Variants in RANBP2 observed in about 807,000 individuals in gnomAD.
The protein encoded by RANBP2 is E3 SUMO-protein ligase RanBP2.
RANBP2 carries 57 observed loss-of-function variants against 303.6 expected under a neutral mutation model. The ratio of observed to expected loss-of-function variants is 0.19; its 90% CI spans 0.15 to 0.23. The LOEUF is 0.23. Ranked by LOEUF, RANBP2 falls within the 10% of genes least tolerant of loss-of-function variation. The pLI, the probability that RANBP2 is intolerant of heterozygous loss-of-function variation, is 1.00. For missense variants in RANBP2, 3,138 were observed against 3,780.8 expected (o/e 0.83, Z 4.46); for synonymous variants, 1,167 against 1,301.5 (o/e 0.90, Z 2.23).
At chr2:109,415,636 G>A in the RANBP2 span, among the ~76,000 whole-genome samples, 1 of 152,108 alleles carries the variant, frequency 6.6e-6, no homozygotes, top group South Asian at 2.1e-4. Flanking sequence ...TGTCCTCCAG[G>A]GACGCCGTGC....
At chr2:108,746,383 G>T (rs1255401467) in intron 7 of RANBP2, among the ~76,000 whole-genome samples, 2 of 146,932 alleles carry the variant, frequency 1.4e-5, no homozygotes, top group South Asian at 2.2e-4. Flanking sequence ...CTGGCTCTTT[G>T]TTTTTTTTTT....
chr2:109,548,079 G>C, the RANBP2 span, among the ~76,000 whole-genome samples: 1 of 152,220 alleles, frequency 6.6e-6, no homozygotes, highest in African/African-American at 2.4e-5. Context: ...AGTAATGAGA[G>C]GAAATACAGA....
chr2:109,474,968 T>TG, the RANBP2 span, among the ~76,000 whole-genome samples: 2 of 151,378 alleles, frequency 1.3e-5, no homozygotes, highest in Non-Finnish European at 3.0e-5. Flanking sequence ...GTTTGGGTTT[T>TG]TTTTGTTTGT....
the RANBP2 span, among the ~76,000 whole-genome samples, chr2:108,946,408 C>T: frequency 6.6e-6 from 1 of 152,194 alleles, no homozygotes; most frequent in East Asian, 1.9e-4. Flanking sequence ...ACAAAGACAA[C>T]CCCTTGGGGA....
the RANBP2 span, among the ~76,000 whole-genome samples, chr2:109,241,791 A>G: frequency 6.9e-6 from 1 of 144,490 alleles, no homozygotes. Context: ...TTTGAGATGG[A>G]GTCTTGCTCT....
chr2:108,876,274 A>G, the RANBP2 span: 2 of 1,459,666 alleles, frequency 1.4e-6, no homozygotes, highest in Non-Finnish European at 1.9e-6. Context: ...TTTTTAATAT[A>G]GTATATGTGG....
chr2:109,129,170 C>T, the RANBP2 span: 12 of 440,956 alleles, frequency 2.7e-5, no homozygotes, highest in East Asian at 9.2e-5. Context: ...CACTTCCTGC[C>T]GCTGGTCTCC....
the RANBP2 span, among the ~76,000 whole-genome samples, chr2:109,204,364 A>C: frequency 4.6e-5 from 7 of 152,140 alleles, no homozygotes; most frequent in Non-Finnish European, 5.9e-5. Context: ...GAATCTCCTT[A>C]TCTTATCTTT....
the RANBP2 span, among the ~76,000 whole-genome samples, chr2:109,454,571 T>C: frequency 1.3e-5 from 2 of 152,134 alleles, no homozygotes; most frequent in Non-Finnish European, 2.9e-5. Flanking sequence ...GGTGCTGAGG[T>C]TCCCCAAGGC....
At chr2:109,178,060 GCAAA>G in the RANBP2 span, among the ~76,000 whole-genome samples, 1 of 152,072 alleles carries the variant, frequency 6.6e-6, no homozygotes, top group Admixed American at 6.5e-5. Context: ...TAAGGTATAA[GCAAA>G]CAAACAAGTC....
At chr2:108,930,311 C>T in the RANBP2 span, 7 of 1,606,992 alleles carry the variant, frequency 4.4e-6, no homozygotes, top group Non-Finnish European at 6.0e-6. Flanking sequence ...TGCAAGACCC[C>T]AAGGTTGACA....
the RANBP2 span, among the ~76,000 whole-genome samples, chr2:109,389,335 A>C: frequency 6.6e-6 from 1 of 152,162 alleles, no homozygotes; most frequent in African/African-American, 2.4e-5. Context: ...TACTGGAGGC[A>C]ATGTCTGTCA....
chr2:109,187,856 G>C, the RANBP2 span, among the ~76,000 whole-genome samples: 1 of 152,184 alleles, frequency 6.6e-6, no homozygotes. Context: ...TTATCAGCAC[G>C]GACTGGGTGC....
At chr2:109,027,102 C>T in the RANBP2 span, among the ~76,000 whole-genome samples, 31 of 152,114 alleles carry the variant, frequency 2.0e-4, no homozygotes, top group African/African-American at 7.0e-4. Flanking sequence ...ATTAGTTGAG[C>T]GTGGTGGTTC....
intron 8 of RANBP2, among the ~76,000 whole-genome samples, 175 bp downstream of exon 8, chr2:108,746,973 A>G: frequency 6.6e-6 from 1 of 152,322 alleles, no homozygotes; most frequent in East Asian, 1.9e-4. Flanking sequence ...CACATTCTTT[A>G]AAAAAATGAA....
At chr2:108,960,093 C>A in the RANBP2 span, among the ~76,000 whole-genome samples, 2 of 152,208 alleles carry the variant, frequency 1.3e-5, no homozygotes, top group African/African-American at 2.4e-5. Flanking sequence ...GTCCACCCTG[C>A]ACACCCTGTG....
At chr2:109,117,467 C>T in the RANBP2 span, among the ~76,000 whole-genome samples, 5 of 152,164 alleles carry the variant, frequency 3.3e-5, no homozygotes, top group African/African-American at 7.2e-5. Context: ...CCTGGTGTGC[C>T]GTTTTTTAAG....
At chr2:109,042,738 T>C in the RANBP2 span, among the ~76,000 whole-genome samples, 1 of 152,200 alleles carries the variant, frequency 6.6e-6, no homozygotes, top group South Asian at 2.1e-4. Context: ...AATCATCTAG[T>C]CCACATCTAG....
At chr2:109,392,126 T>C in the RANBP2 span, among the ~76,000 whole-genome samples, 1 of 152,250 alleles carries the variant, frequency 6.6e-6, no homozygotes, top group African/African-American at 2.4e-5. Context: ...CAAAAAGGCC[T>C]GATTTTTAAA....
Sources: gnomAD v4.1 joint callset for allele counts (sites outside exome capture counted in the v4.1 genomes callset) on GRCh38, gnomAD v4.1.1 for gene constraint, MANE v1.5 for transcripts, NCBI Gene and HGNC (gene_info 2026-07-23, HGNC 2026-07-21) for gene names.